Variants in GNG7 observed in about 807,000 individuals in gnomAD.
GNG7 encodes the protein G protein subunit gamma 7.
In GNG7, 1 loss-of-function variant was observed where a neutral mutation model predicts 4.0. The ratio of observed to expected loss-of-function variants is 0.25; its 90% CI spans 0.09 to 1.18. GNG7 has a LOEUF of 1.18. Ranked by LOEUF, GNG7 falls within the 50% of genes most tolerant of loss-of-function variation. The probability of loss-of-function intolerance (pLI) is 0.50; values close to 1 mark genes in which losing one functional copy is unlikely to be tolerated. For synonymous variants in GNG7, 34 were observed against 36.9 expected (o/e 0.92, Z 0.29); for missense variants, 86 against 91.9 (o/e 0.94, Z 0.26).
intron 1 of GNG7, among the ~76,000 whole-genome samples, chr19:2,693,675 C>A (rs1913183837): frequency 6.6e-6 from 1 of 152,058 alleles, no homozygotes; most frequent in African/African-American, 2.4e-5. Context: ...TGGCATCCAC[C>A]CACTCCATGC....
chr19:2,592,712 G>A (rs1336226000), intron 2 of GNG7, among the ~76,000 whole-genome samples: 6 of 123,470 alleles, frequency 4.9e-5, no homozygotes, highest in African/African-American at 1.8e-4. Context: ...ACTCCAGCCT[G>A]GGTGACAGAG....
At chr19:2,667,481 G>T (rs1319987528) in intron 1 of GNG7, among the ~76,000 whole-genome samples, 1 of 151,822 alleles carries the variant, frequency 6.6e-6, no homozygotes, top group African/African-American at 2.4e-5. Flanking sequence ...AAGGGCATTC[G>T]GAATATCTCA....
chr19:2,651,923 C>T lies in GNG7; in HGVS notation c.-134-5643G>A, dbSNP rs188355791. ...GGTGCAGTGGCTCATGCCTGTTATC[C>T]CAGCACTTTGGGAGGCCAAGGCAGG... On this transcript the variant is annotated intron_variant, in intron 1 of 4. Coordinates refer to ENST00000382159, the MANE Select transcript of GNG7 (RefSeq NM_052847.3). Among the ~76,000 whole-genome samples the T allele has an allele frequency of 1.5e-3, 230 of 151,940 alleles. 1 individual carries two copies. Among genetic ancestry groups the T allele is most frequent in the African/African-American group, 5.2e-3 (214 of 41,496 alleles).
chr19:2,594,448 A>AAGGAAGGAAGGG (rs61492364), intron 2 of GNG7, among the ~76,000 whole-genome samples: 2 of 94,206 alleles, frequency 2.1e-5, no homozygotes, highest in African/African-American at 5.3e-5. Context: ...GGAAGGAAGG[A>AAGGAAGGAAGGG]GGAAGAAAGA....
intron 2 of GNG7, among the ~76,000 whole-genome samples, chr19:2,577,244 A>G (rs536944617): frequency 2.4e-4 from 37 of 152,286 alleles, no homozygotes; most frequent in African/African-American, 8.4e-4. Flanking sequence ...GCCTCTGTTC[A>G]GGGTACCCCC....
intron 2 of GNG7, among the ~76,000 whole-genome samples, chr19:2,598,532 C>A (rs1332871710): frequency 1.3e-5 from 2 of 151,598 alleles, no homozygotes; most frequent in Non-Finnish European, 3.0e-5. Context: ...TGGCGGGCGC[C>A]TGTAGTCCCA....
chr19:2,584,693 A>G (rs1413595314), intron 2 of GNG7, among the ~76,000 whole-genome samples: 1 of 73,746 alleles, frequency 1.4e-5, no homozygotes. Flanking sequence ...GGAGGGAGGG[A>G]TAGAGGGAGG....
At chr19:2,700,483 G>A (rs1013439402) in intron 1 of GNG7, among the ~76,000 whole-genome samples, 5 of 152,096 alleles carry the variant, frequency 3.3e-5, no homozygotes, top group African/African-American at 1.2e-4. Context: ...TGACCCTGAT[G>A]TGTGCTCCTA....
intron 1 of GNG7, among the ~76,000 whole-genome samples, chr19:2,682,700 G>C (rs569685596): frequency 8.0e-5 from 12 of 149,294 alleles, no homozygotes; most frequent in Non-Finnish European, 1.5e-4. Context: ...CAGGGAGGCA[G>C]GGGTCATCCC....
At chr19:2,562,539 C>A (rs1979775881) in intron 2 of GNG7, among the ~76,000 whole-genome samples, 1 of 152,120 alleles carries the variant, frequency 6.6e-6, no homozygotes, top group African/African-American at 2.4e-5. Flanking sequence ...AGGGTTTTTC[C>A]CCCCGGGCAC....
intron 3 of GNG7, among the ~76,000 whole-genome samples, chr19:2,531,013 G>A (rs1978564450): frequency 1.3e-5 from 2 of 151,980 alleles, no homozygotes; most frequent in South Asian, 2.1e-4. Flanking sequence ...CACTGTAAGA[G>A]TAACGGTCAC....
chr19:2,603,871 GAC>G (rs1371942412), intron 2 of GNG7, among the ~76,000 whole-genome samples: 5 of 151,476 alleles, frequency 3.3e-5, no homozygotes, highest in African/African-American at 4.9e-5. Context: ...TATTTTTTGA[GAC>G]AGAGTCTCGC....
chr19:2,621,902 C>T (rs1375697981), intron 2 of GNG7, among the ~76,000 whole-genome samples: 1 of 152,032 alleles, frequency 6.6e-6, no homozygotes, highest in Admixed American at 6.6e-5. Flanking sequence ...TACTTCTGCC[C>T]TCCAGAACCG....
At chr19:2,549,076 A>G (rs1329653460) in intron 3 of GNG7, among the ~76,000 whole-genome samples, 5 of 149,906 alleles carry the variant, frequency 3.3e-5, no homozygotes, top group African/African-American at 4.9e-5. Context: ...CCCAGGGGGG[A>G]CACTAGGTCT....
intron 1 of GNG7, among the ~76,000 whole-genome samples, chr19:2,695,473 A>G (rs934435645): frequency 6.6e-6 from 1 of 152,126 alleles, no homozygotes; most frequent in African/African-American, 2.4e-5. Context: ...ACCAGTTCTG[A>G]GGCTTAAAAT....
chr19:2,634,140 C>T lies in GNG7; in HGVS notation c.-78+12084G>A, dbSNP rs1982244424. 6.6e-6 allele frequency among the ~76,000 whole-genome samples: 1 copy of T among 152,206 alleles called. No homozygotes were observed. Among genetic ancestry groups the T allele is most frequent in the African/African-American group, 2.4e-5 (1 of 41,462 alleles). On this transcript the variant is annotated intron_variant, in intron 2 of 4. Transcript: ENST00000382159. The surrounding 1 kb of genome is among the most constrained non-coding windows in gnomAD (Gnocchi z 5.3). ...TCCTCCTGGTTTACACCGTCTGCCC[C>T]ACTGGGCGTTTATGGTGCCTATCAT...
At chr19:2,607,571 A>G (rs1447242528) in intron 2 of GNG7, among the ~76,000 whole-genome samples, 1 of 90,882 alleles carries the variant, frequency 1.1e-5, no homozygotes, top group African/African-American at 3.1e-5. Context: ...GTAAAAAAAA[A>G]AAAAAAAAGA....
intron 2 of GNG7, among the ~76,000 whole-genome samples, chr19:2,636,602 A>C (rs563252873): frequency 2.0e-5 from 3 of 152,186 alleles, no homozygotes; most frequent in African/African-American, 7.2e-5. Context: ...TGACTGCCTT[A>C]AGGCCACTCC....
At chr19:2,589,259 G>A (rs771024703) in intron 2 of GNG7, among the ~76,000 whole-genome samples, 7 of 150,874 alleles carry the variant, frequency 4.6e-5, no homozygotes, top group African/African-American at 7.3e-5. Context: ...GTCTCCCTCC[G>A]TGGCCCAGGC....
Sources: allele counts gnomAD v4.1 joint callset (sites outside exome capture counted in the v4.1 genomes callset), GRCh38; gene constraint gnomAD v4.1.1; non-coding constraint Gnocchi (gnomAD v3.1); transcripts MANE v1.5; gene names NCBI Gene and HGNC (gene_info 2026-07-23, HGNC 2026-07-21).